PCDHGA5: variants seen among roughly 807,000 people sequenced by gnomAD.
The protein encoded by PCDHGA5 is protocadherin gamma-A5.
PCDHGA5 carries 36 observed loss-of-function variants against 56.7 expected under a neutral mutation model. The observed-to-expected ratio is 0.64, with a 90% confidence interval of 0.49 to 0.84. The LOEUF is 0.84. Among genes scored for constraint, PCDHGA5 ranks in the 40% least tolerant of loss-of-function variants. PCDHGA5 has a pLI of 0.00. For missense variants in PCDHGA5, 1,305 were observed against 1,201.5 expected (o/e 1.09, Z -1.27); for synonymous variants, 563 against 520.2 (o/e 1.08, Z -1.12).
chr5:141,398,787 A>T, intron 1 of PCDHGA5: 1 of 1,613,902 alleles, frequency 6.2e-7, no homozygotes, highest in African/African-American at 1.3e-5. Flanking sequence ...GTGGACATCC[A>T]CCCCTAAGCG....
In PCDHGA5 at chr5:141,485,944, G is replaced by A; in HGVS notation, c.2422-8863G>A. 1.2e-6 allele frequency: 2 copies of A among 1,614,116 alleles called. No homozygotes were observed. The highest frequency in any genetic ancestry group is 1.7e-6 in the Non-Finnish European group (2 of 1,180,020). ...TTAGTGTGTTGGAGAGCGCACCAGC[G>A]GGCATGGTGCTCATCCAGCTCAATG... On this transcript the variant is annotated intron_variant, in intron 1 of 3. Coordinates refer to ENST00000518069, the MANE Select transcript of PCDHGA5 (RefSeq NM_018918.3). This position sits in a 1 kb window ranked among gnomAD's most constrained non-coding sequence, Gnocchi z 5.7.
At position 141,490,155 on chromosome 5, in the gene PCDHGA5, G is replaced by A. The variant is rs753981059; in HGVS notation, c.2422-4652G>A. On this transcript the variant is annotated intron_variant, in intron 1 of 3. Transcript: ENST00000518069. This position sits in a 1 kb window ranked among gnomAD's most constrained non-coding sequence, Gnocchi z 5.4. ...CTAGCAGTGGGGCAATCCATGTGTT[G>A]GGTCCCATAGACTTTGAGGAGTCAC... 2 of 1,614,214 alleles carry A rather than the reference G, an allele frequency of 1.2e-6. No individual in the cohort carries two copies. The highest frequency in any genetic ancestry group is 1.1e-5 in the South Asian group (1 of 91,086).
intron 1 of PCDHGA5, chr5:141,399,663 G>A: frequency 6.2e-7 from 1 of 1,613,624 alleles, no homozygotes; most frequent in Non-Finnish European, 8.5e-7. Flanking sequence ...TGGTGTTCGC[G>A]CAGCGCGCCT....
intron 1 of PCDHGA5, chr5:141,371,954 C>T (rs1182311011): frequency 6.2e-7 from 1 of 1,613,274 alleles, no homozygotes; most frequent in Non-Finnish European, 8.5e-7. Flanking sequence ...AGCGAGCCTT[C>T]GACCACGAGC....
intron 1 of PCDHGA5, among the ~76,000 whole-genome samples, chr5:141,484,675 T>C (rs1179759392): frequency 6.6e-6 from 1 of 152,042 alleles, no homozygotes; most frequent in African/African-American, 2.4e-5. Context: ...GGGCCGCAGG[T>C]TGCTAGGGCT....
chr5:141,366,202 C>T lies in PCDHGA5; in HGVS notation c.1872C>T (p.Gly624=), dbSNP rs548407771. The change falls in exon 1 of 4, where the codon GGC becomes GGT. Residue 624 remains glycine (G), a synonymous_variant. Transcript: ENST00000518069. ...TCTTTGCGGTTGGGCTGCACACGGGCGAGGTGCGCACAGCGCGAGCCCTGC... is the reference window on the plus strand; with the variant it reads ...TCTTTGCGGTTGGGCTGCACACGGGTGAGGTGCGCACAGCGCGAGCCCTGC... ...PGLFAVGLHT[G]EVRTARALLD... is the part of the protein sequence containing the mutation. 2.8e-5 allele frequency: 45 copies of T among 1,613,844 alleles called. No individual in the cohort carries two copies. In the South Asian group the frequency reaches 4.8e-4, roughly 17 times the overall value.
intron 1 of PCDHGA5, chr5:141,408,072 T>G (rs1047187961): frequency 1.7e-5 from 24 of 1,388,622 alleles, no homozygotes; most frequent in Middle Eastern, 2.6e-4. Flanking sequence ...CGCAGACCTT[T>G]CCCAGCACAG....
rs2090286148 is a variant in PCDHGA5 at position 141,385,565 on chromosome 5, C to T, written c.2421+18814C>T. ...GGACTATCACATTTTATAATTTCCA[C>T]CTACTTTCCAATCTATGTTCCAACC... On this transcript the variant is annotated intron_variant, in intron 1 of 3. Transcript: ENST00000518069. 2.3e-6 allele frequency: 3 copies of T among 1,302,312 alleles called. No homozygotes were observed. In the African/African-American group the frequency reaches 4.6e-5, roughly 20 times the overall value. 80.7% of individuals were successfully genotyped at this position (1,302,312 alleles called of 1,614,324 possible). A position where few individuals can be genotyped will look rare whatever the true frequency, so the allele number is the denominator to read the frequency against.
chr5:141,476,483 G>A lies in PCDHGA5; in HGVS notation c.2422-18324G>A. On this transcript the variant is annotated intron_variant, in intron 1 of 3. Coordinates refer to ENST00000518069, the MANE Select transcript of PCDHGA5 (RefSeq NM_018918.3). The surrounding 1 kb of genome is among the most constrained non-coding windows in gnomAD (Gnocchi z 7.6). The stretch of plus-strand genomic sequence containing the variant: ...CCCGCTGGAGCTGTTCAGCGTGGAA[G>A]TGGTGATCCAGGACATCAACGACAA... The A allele has an allele frequency of 3.1e-6, 5 of 1,614,166 alleles. No individual in the cohort carries two copies. Among genetic ancestry groups the A allele is most frequent in the Non-Finnish European group, 4.2e-6 (5 of 1,180,034 alleles).
chr5:141,476,843 G>A lies in PCDHGA5; in HGVS notation c.2422-17964G>A, dbSNP rs2099399765. On this transcript the variant is annotated intron_variant, in intron 1 of 3. Transcript: ENST00000518069. The surrounding 1 kb of genome is among the most constrained non-coding windows in gnomAD (Gnocchi z 7.6). ...GCTGGACGCGAATGACAATGCGCCT[G>A]TCTTCAACCAGTCCTTGTACCGGGC... 1 of 1,613,706 alleles carries A rather than the reference G, an allele frequency of 6.2e-7. No individual in the cohort carries two copies. Among genetic ancestry groups the A allele is most frequent in the Non-Finnish European group, 8.5e-7 (1 of 1,180,046 alleles).
chr5:141,399,776 A>T, intron 1 of PCDHGA5: 1 of 1,613,218 alleles, frequency 6.2e-7, no homozygotes, highest in African/African-American at 1.3e-5. Context: ...TTGGTGGGCG[A>T]CCGAAACGAC....
chr5:141,418,294 C>G, intron 1 of PCDHGA5: 1 of 1,613,988 alleles, frequency 6.2e-7, no homozygotes. Flanking sequence ...TCAGTGAATC[C>G]GTCAGCCTGG....
At position 141,366,021 on chromosome 5, in the gene PCDHGA5, AC is replaced by A; in HGVS notation, c.1695del (p.Ala566ProfsTer23). On this transcript the variant is annotated frameshift_variant, in exon 1 of 4. Coordinates refer to ENST00000518069, the MANE Select transcript of PCDHGA5 (RefSeq NM_018918.3). LOFTEE classifies it high-confidence loss of function. ...AACGACAATACGCCTGAGATCCTGT[AC>A]CCCGCCCTCCCCACAGACGGTTCCA... ...DQNDNTPEIL[Y>X]PALPTDGSTG... 6.2e-7 allele frequency: 1 copy of A among 1,614,092 alleles called. No individual in the cohort carries two copies. The highest frequency in any genetic ancestry group is 8.5e-7 in the Non-Finnish European group (1 of 1,180,012).
intron 1 of PCDHGA5, chr5:141,399,958 G>C: frequency 1.2e-6 from 2 of 1,612,122 alleles, no homozygotes; most frequent in Middle Eastern, 3.8e-4. Context: ...TAGCGAGCCC[G>C]GGCTCTTCAG....
intron 1 of PCDHGA5, chr5:141,405,551 A>G: frequency 1.6e-6 from 1 of 623,672 alleles, no homozygotes; most frequent in Non-Finnish European, 2.8e-6. Context: ...TCCCAAGTAG[A>G]GTAGCTGGGA....
intron 1 of PCDHGA5, chr5:141,417,692 C>A: frequency 9.2e-7 from 1 of 1,089,116 alleles, no homozygotes; most frequent in Non-Finnish European, 1.3e-6. Context: ...AAAAGAAAAC[C>A]AGCTCCCACA....
At chr5:141,383,115 G>A (rs1588935536) in intron 1 of PCDHGA5, 4 of 1,614,078 alleles carry the variant, frequency 2.5e-6, no homozygotes, top group Non-Finnish European at 2.5e-6. Context: ...GAGGTAGGAC[G>A]CAGCTTTTCG....
At chr5:141,375,695 G>C (rs540188136) in intron 1 of PCDHGA5, 1 of 1,614,250 alleles carries the variant, frequency 6.2e-7, no homozygotes, top group South Asian at 1.1e-5. Context: ...CAGCGACAGC[G>C]GGGACCCGCC....
chr5:141,430,661 GCT>G, intron 1 of PCDHGA5: 1 of 1,159,744 alleles, frequency 8.6e-7, no homozygotes, highest in South Asian at 2.1e-5. Flanking sequence ...CAACGGAGGA[GCT>G]CTGACTTCCC....
Sources: gnomAD v4.1 joint callset for allele counts (sites outside exome capture counted in the v4.1 genomes callset) on GRCh38, gnomAD v4.1.1 for gene constraint, Gnocchi (gnomAD v3.1) non-coding constraint, MANE v1.5 for transcripts, NCBI Gene and HGNC (gene_info 2026-07-23, HGNC 2026-07-21) for gene names.